The following PDS5A variants were observed in gnomAD, a reference collection of about 807,000 sequenced individuals.
The protein encoded by PDS5A is PDS5 cohesin associated factor A, also known as sister chromatid cohesion protein PDS5 homolog A.
In PDS5A, 42 loss-of-function variants were observed where a neutral mutation model predicts 167.1. The observed-to-expected ratio is 0.25, with a 90% confidence interval of 0.20 to 0.33. The LOEUF is 0.33. Ranked by LOEUF, PDS5A falls within the 10% of genes least tolerant of loss-of-function variation. PDS5A has a pLI of 1.00. For missense variants in PDS5A, 1,033 were observed against 1,605.9 expected (o/e 0.64, Z 6.10); for synonymous variants, 553 against 554.6 (o/e 1.00, Z 0.04).
At chr4:39,973,995 G>A (rs571427729) in intron 2 of PDS5A, among the ~76,000 whole-genome samples, 1 of 152,158 alleles carries the variant, frequency 6.6e-6, no homozygotes, top group Non-Finnish European at 1.5e-5. Flanking sequence ...GCATGATGGC[G>A]GGCGCCCGTG....
intron 28 of PDS5A, 47 bp downstream of exon 28, chr4:39,848,804 T>A: frequency 2.7e-6 from 4 of 1,496,858 alleles, no homozygotes; most frequent in Non-Finnish European, 3.6e-6. Context: ...GTAATTGACA[T>A]TGAAATCAGT....
chr4:39,826,697 G>C (rs1189141606), intron 32 of PDS5A, among the ~76,000 whole-genome samples: 1 of 152,012 alleles, frequency 6.6e-6, no homozygotes, highest in African/African-American at 2.4e-5. Flanking sequence ...ATGTTGGTCA[G>C]GATGGTCTTG....
intron 11 of PDS5A, among the ~76,000 whole-genome samples, chr4:39,907,574 T>C (rs1723491864): frequency 1.5e-5 from 2 of 133,290 alleles, no homozygotes; most frequent in African/African-American, 2.5e-5. Flanking sequence ...TAACAATCCA[T>C]GTTTTCTTTT....
At chr4:39,957,860 A>C (rs1469035215) in intron 2 of PDS5A, among the ~76,000 whole-genome samples, 1 of 152,032 alleles carries the variant, frequency 6.6e-6, no homozygotes, top group East Asian at 1.9e-4. Flanking sequence ...ATGAGGCTAA[A>C]AAAAGACTCC....
At chr4:39,932,242 C>G (rs1305859503) in intron 2 of PDS5A, among the ~76,000 whole-genome samples, 1 of 152,192 alleles carries the variant, frequency 6.6e-6, no homozygotes, top group Non-Finnish European at 1.5e-5. Context: ...GATGCAAGAA[C>G]AGGCCTGATA....
At chr4:39,960,862 G>A (rs895639732) in intron 2 of PDS5A, among the ~76,000 whole-genome samples, 1 of 152,094 alleles carries the variant, frequency 6.6e-6, no homozygotes, top group Non-Finnish European at 1.5e-5. Context: ...GCTAATTTTT[G>A]TATTTTTAGT....
intron 20 of PDS5A, among the ~76,000 whole-genome samples, chr4:39,873,531 G>A: frequency 6.6e-6 from 1 of 151,998 alleles, no homozygotes; most frequent in East Asian, 1.9e-4. Context: ...AGTTCACTGG[G>A]TTTTGGTCAC....
At position 39,943,803 on chromosome 4, in the gene PDS5A, C is replaced by G. The variant is rs6858258; in HGVS notation, c.139-15639G>C. 4.7e-3 allele frequency among the ~76,000 whole-genome samples: 710 copies of G among 149,790 alleles called. 9 individuals are homozygous for G. Among genetic ancestry groups the G allele is most frequent in the African/African-American group, 0.016 (669 of 40,736 alleles). ...GCCTGGGCAACAAAGCGAACCGTATCAAAAACAAACAAACAACAACAACAA... is the reference window on the plus strand; with the variant it reads ...GCCTGGGCAACAAAGCGAACCGTATGAAAAACAAACAAACAACAACAACAA... On this transcript the variant is annotated intron_variant, in intron 2 of 32. Transcript: ENST00000303538.
At position 39,977,744 on chromosome 4, in the gene PDS5A, T is replaced by G. The variant is rs1222189776; in HGVS notation, c.-328A>C. ...GCTCCTCCGGGAGTGTGTGCGCTTGTGTCCGTCCGGGACCCCCGCGGCCCG... is the reference window on the plus strand; with the variant it reads ...GCTCCTCCGGGAGTGTGTGCGCTTGGGTCCGTCCGGGACCCCCGCGGCCCG... On this transcript the variant is annotated 5_prime_UTR_variant, in exon 1 of 33. Coordinates refer to ENST00000303538, the MANE Select transcript of PDS5A (RefSeq NM_001100399.2). This position sits in a 1 kb window ranked among gnomAD's most constrained non-coding sequence, Gnocchi z 4.2. 5 of 149,162 alleles carry G rather than the reference T, an allele frequency of 3.4e-5. No individual in the cohort carries two copies. Among genetic ancestry groups the G allele is most frequent in the Non-Finnish European group, 7.5e-5 (5 of 66,822 alleles). The allele number at this position is 149,162 out of a possible 1,614,324, so 9.2% of individuals were successfully genotyped here.
chr4:39,872,013 A>T (rs1385054488), intron 21 of PDS5A, among the ~76,000 whole-genome samples: 1 of 151,822 alleles, frequency 6.6e-6, no homozygotes, highest in Admixed American at 6.6e-5. Context: ...GCCAGTAGTG[A>T]CTCTTAATCA....
chr4:39,852,636 T>A (rs1458059944), intron 26 of PDS5A, among the ~76,000 whole-genome samples: 1 of 152,074 alleles, frequency 6.6e-6, no homozygotes, highest in Non-Finnish European at 1.5e-5. Context: ...GGTCAGAGAG[T>A]GAGTTCAGCT....
At chr4:39,842,552 T>G (rs1034021288) in intron 30 of PDS5A, among the ~76,000 whole-genome samples, 4 of 152,110 alleles carry the variant, frequency 2.6e-5, no homozygotes, top group African/African-American at 9.7e-5. Context: ...CTAAAAGTGG[T>G]TTAAAACATC....
intron 8 of PDS5A, among the ~76,000 whole-genome samples, chr4:39,915,016 A>C (rs1263529836): frequency 6.6e-6 from 1 of 150,728 alleles, no homozygotes; most frequent in Non-Finnish European, 1.5e-5. Flanking sequence ...AGTATTAACT[A>C]TTTTAATTTT....
chr4:39,932,922 C>T (rs555335088), intron 2 of PDS5A: 1 of 152,174 alleles, frequency 6.6e-6, no homozygotes, highest in Non-Finnish European at 1.5e-5. Context: ...AATCCCAGCA[C>T]TTTGGGAGGC....
At chr4:39,829,812 G>A (rs747531614) in intron 32 of PDS5A, among the ~76,000 whole-genome samples, 37 of 151,760 alleles carry the variant, frequency 2.4e-4, no homozygotes, top group Admixed American at 5.9e-4. Context: ...TTAGCCGGGC[G>A]TGGTGGTGGG....
rs1429607906 is a variant in PDS5A, at chr4:39,928,122, C to T, written c.181G>A (p.Asp61Asn). The change falls in exon 3 of 33, where the codon GAT (aspartate) becomes AAT (asparagine). Residue 61 changes from aspartate (D) to asparagine (N), a missense_variant. Asp to Asn is a conservative substitution (Grantham distance 23). Coordinates refer to ENST00000303538, the MANE Select transcript of PDS5A (RefSeq NM_001100399.2). The stretch of plus-strand genomic sequence containing the variant: ...AGTGGGAGATACTGCTGTTTTTCAT[C>T]TTCTGAGTCCTGATCCATATCCATA... ...TFMDMDQDSE[D>N]EKQQYLPLAL... 8 of 1,612,588 alleles carry T rather than the reference C, an allele frequency of 5.0e-6. No homozygotes were observed. The highest frequency in any genetic ancestry group is 5.9e-6 in the Non-Finnish European group (7 of 1,179,038).
intron 17 of PDS5A, among the ~76,000 whole-genome samples, chr4:39,883,479 C>A (rs1423395239): frequency 6.6e-6 from 1 of 152,178 alleles, no homozygotes; most frequent in Admixed American, 6.5e-5. Flanking sequence ...CCACACCCAG[C>A]CTTCAGCTAG....
At chr4:39,931,707 T>C (rs187191408) in intron 2 of PDS5A, among the ~76,000 whole-genome samples, 7 of 152,232 alleles carry the variant, frequency 4.6e-5, no homozygotes, top group Non-Finnish European at 8.8e-5. Flanking sequence ...CATTGTCACT[T>C]CTACCACAGC....
chr4:39,887,317 T>A (rs1721559192), intron 17 of PDS5A, among the ~76,000 whole-genome samples: 1 of 152,230 alleles, frequency 6.6e-6, no homozygotes, highest in Admixed American at 6.5e-5. Context: ...GTATTTATCA[T>A]AAAGTAATGT....
Sources: gnomAD v4.1 joint callset for allele counts (sites outside exome capture counted in the v4.1 genomes callset) on GRCh38, gnomAD v4.1.1 for gene constraint, Gnocchi (gnomAD v3.1) non-coding constraint, MANE v1.5 for transcripts, NCBI Gene and HGNC (gene_info 2026-07-23, HGNC 2026-07-21) for gene names.